EYA1: variants seen among roughly 807,000 people sequenced by gnomAD.
The protein encoded by EYA1 is protein phosphatase EYA1.
A neutral mutation model predicts 82.0 loss-of-function variants in EYA1; 16 were observed. The ratio of observed to expected loss-of-function variants is 0.20; its 90% CI spans 0.13 to 0.30. The LOEUF (loss-of-function observed/expected upper bound fraction) is 0.30. Ranked by LOEUF, EYA1 falls within the 10% of genes least tolerant of loss-of-function variation. EYA1 has a pLI of 1.00. For synonymous variants in EYA1, 261 were observed against 264.4 expected (o/e 0.99, Z 0.12); for missense variants, 633 against 730.7 (o/e 0.87, Z 1.54).
intron 9 of EYA1, 116 bp from the exon 10 acceptor site, chr8:71,272,013 A>T: frequency 9.5e-7 from 1 of 1,056,802 alleles, no homozygotes; most frequent in Non-Finnish European, 1.5e-6. Flanking sequence ...CATTCTGCTG[A>T]AATCCTACAT....
chr8:71,474,269 G>A (rs1265868295), intron 2 of EYA1, among the ~76,000 whole-genome samples: 2 of 151,930 alleles, frequency 1.3e-5, no homozygotes, highest in Non-Finnish European at 2.9e-5. Flanking sequence ...AGCAGAAGCA[G>A]CAGCTCTGAT....
At chr8:71,512,650 T>C (rs938355363) in intron 2 of EYA1, among the ~76,000 whole-genome samples, 2 of 151,848 alleles carry the variant, frequency 1.3e-5, no homozygotes, top group South Asian at 4.2e-4. Context: ...GGACAGATTT[T>C]AAAAAAAATC....
chr8:71,344,806 G>A (rs1825532695), intron 3 of EYA1, among the ~76,000 whole-genome samples: 1 of 152,206 alleles, frequency 6.6e-6, no homozygotes. Context: ...CAGATGAGCT[G>A]GCTCAGACTC....
intron 11 of EYA1, among the ~76,000 whole-genome samples, chr8:71,264,745 A>G (rs1341920988): frequency 6.6e-6 from 1 of 151,636 alleles, no homozygotes; most frequent in African/African-American, 2.4e-5. Flanking sequence ...CACCCAGCTA[A>G]TTTTTGTATT....
At chr8:71,220,984 G>C (rs1303964362) in intron 12 of EYA1, among the ~76,000 whole-genome samples, 3 of 152,208 alleles carry the variant, frequency 2.0e-5, no homozygotes, top group African/African-American at 7.2e-5. Context: ...GGGGGAAAGA[G>C]AGAAGTTAAC....
At chr8:71,418,338 T>C (rs935009435) in intron 2 of EYA1, among the ~76,000 whole-genome samples, 2 of 152,224 alleles carry the variant, frequency 1.3e-5, no homozygotes, top group African/African-American at 4.8e-5. Flanking sequence ...GTATCATCCC[T>C]GAGCTCAGAG....
At chr8:71,536,104 G>A (rs1814690553) in intron 1 of EYA1, among the ~76,000 whole-genome samples, 1 of 152,202 alleles carries the variant, frequency 6.6e-6, no homozygotes, top group African/African-American at 2.4e-5. Context: ...AGGATGGTAG[G>A]GAGGCAGGGG....
At chr8:71,539,121 C>T (rs1814942151) in intron 1 of EYA1, among the ~76,000 whole-genome samples, 1 of 152,052 alleles carries the variant, frequency 6.6e-6, no homozygotes, top group South Asian at 2.1e-4. Context: ...ATCTAGGGCC[C>T]TGTCTACCAA....
chr8:71,316,727 G>A lies in EYA1; in HGVS notation c.556+825C>T, dbSNP rs138345880. ...CTTCAATCAAAAAGAGATCATCAGG[G>A]ATTTAATTCAACTATGGATTGGCAC... On this transcript the variant is annotated intron_variant, in intron 7 of 17. Transcript: ENST00000340726. 4.7e-3 allele frequency among the ~76,000 whole-genome samples: 719 copies of A among 152,230 alleles called. 5 individuals carry two copies. The highest frequency in any genetic ancestry group is 0.017 in the African/African-American group (689 of 41,532).
At chr8:71,537,483 C>T (rs987953083) in intron 1 of EYA1, among the ~76,000 whole-genome samples, 1 of 152,184 alleles carries the variant, frequency 6.6e-6, no homozygotes, top group Admixed American at 6.5e-5. Context: ...TTAGGAGGCA[C>T]ATTAACTGTT....
intron 12 of EYA1, among the ~76,000 whole-genome samples, chr8:71,242,773 CTTTTTT>C (rs35413533): frequency 2.5e-5 from 3 of 117,656 alleles, no homozygotes; most frequent in African/African-American, 9.9e-5. Flanking sequence ...AGTTTTGGCA[CTTTTTT>C]TTTTTTTTTT....
intron 1 of EYA1, among the ~76,000 whole-genome samples, chr8:71,360,060 G>A (rs1263875806): frequency 3.9e-5 from 6 of 152,114 alleles, no homozygotes; most frequent in African/African-American, 7.2e-5. Flanking sequence ...CTAGGGAGAC[G>A]TCAATGTTTT....
chr8:71,406,558 T>C (rs1432249867), intron 2 of EYA1, among the ~76,000 whole-genome samples: 1 of 152,160 alleles, frequency 6.6e-6, no homozygotes, highest in African/African-American at 2.4e-5. Flanking sequence ...ATTGCCTCCC[T>C]TGGGAAGCAC....
Position 71,197,801 on chromosome 8 carries a change from G to C in EYA1, c.*1539C>G, listed in dbSNP as rs1056520549. ...TGATTAAAGAAGACTCATCCTAAGG[G>C]TAATTTCATGACAATGGATTGTGTT... On this transcript the variant is annotated 3_prime_UTR_variant, in exon 18 of 18. Coordinates refer to ENST00000340726, the MANE Select transcript of EYA1 (RefSeq NM_000503.6). The C allele has an allele frequency of 6.5e-6, 1 of 152,694 alleles. No individual in the cohort carries two copies. The highest frequency in any genetic ancestry group is 2.4e-5 in the African/African-American group (1 of 41,552). 9.5% of individuals were successfully genotyped at this position (152,694 alleles called of 1,614,324 possible). A position where few individuals can be genotyped will look rare whatever the true frequency, so the allele number is the denominator to read the frequency against.
intron 2 of EYA1, among the ~76,000 whole-genome samples, chr8:71,446,712 G>T (rs1223018193): frequency 6.6e-6 from 1 of 152,106 alleles, no homozygotes; most frequent in East Asian, 1.9e-4. Context: ...TTATTTTCAG[G>T]ATTGGTAGTT....
chr8:71,468,309 T>C (rs144803174), intron 2 of EYA1, among the ~76,000 whole-genome samples: 1 of 152,252 alleles, frequency 6.6e-6, no homozygotes, highest in Admixed American at 6.6e-5. Flanking sequence ...TCATCTGGTA[T>C]GGTTTAGCTC....
At chr8:71,242,788 T>C (rs1188993202) in intron 12 of EYA1, among the ~76,000 whole-genome samples, 2 of 150,528 alleles carry the variant, frequency 1.3e-5, no homozygotes, top group East Asian at 3.9e-4. Flanking sequence ...TTTTTTTTTT[T>C]TTTTTGAGAC....
intron 3 of EYA1, among the ~76,000 whole-genome samples, chr8:71,348,986 C>T (rs191445802): frequency 1.6e-4 from 25 of 152,174 alleles, no homozygotes; most frequent in Middle Eastern, 3.4e-3. Flanking sequence ...ACAGTAACAC[C>T]GCCCCAATCC....
intron 2 of EYA1, among the ~76,000 whole-genome samples, chr8:71,463,623 CTCT>C (rs1808557795): frequency 8.8e-6 from 1 of 113,086 alleles, no homozygotes; most frequent in Non-Finnish European, 1.7e-5. Context: ...CTCTCTCTCT[CTCT>C]CTCTCTCCCT....
Sources: allele counts gnomAD v4.1 joint callset (sites outside exome capture counted in the v4.1 genomes callset), GRCh38; gene constraint gnomAD v4.1.1; transcripts MANE v1.5; gene names NCBI Gene and HGNC (gene_info 2026-07-23, HGNC 2026-07-21).